HEPHL1: variants seen among roughly 807,000 people sequenced by gnomAD.
HEPHL1 encodes the protein ferroxidase HEPHL1.
Under a neutral mutation model 122.0 loss-of-function variants are expected in HEPHL1, and 123 were observed. The observed-to-expected ratio is 1.01, with a 90% CI of 0.87 to 1.17. HEPHL1 has a LOEUF of 1.17. HEPHL1 is among the 50% of genes most tolerant of loss of function. HEPHL1 has a pLI of 0.00. For missense variants in HEPHL1, 1,452 were observed against 1,430.5 expected, an observed-to-expected ratio of 1.01 and a Z score of -0.24; for synonymous variants, 527 against 508.9, an observed-to-expected ratio of 1.04 and a Z score of -0.48.
intron 1 of HEPHL1, among the ~76,000 whole-genome samples, chr11:94,035,971 C>T (rs1221172589): frequency 6.6e-6 from 1 of 152,134 alleles, no homozygotes; most frequent in Non-Finnish European, 1.5e-5. Context: ...CTCCTGACCT[C>T]GTGATCCGCC....
In HEPHL1 at chr11:94,095,471, A is replaced by G. The variant is rs563806160; in HGVS notation, c.2434+1831A>G. On this transcript the variant is annotated intron_variant, in intron 13 of 19. Coordinates refer to ENST00000315765, the MANE Select transcript of HEPHL1 (RefSeq NM_001098672.2). The stretch of plus-strand genomic sequence containing the variant: ...TCTTTTGGCTTAGGATTGACTTGGC[A>G]ATGTGGGCTCTTTTTTGGTTCCATA... Among the ~76,000 whole-genome samples the G allele has an allele frequency of 1.4e-4, 21 of 152,262 alleles. No homozygotes were observed. The South Asian group carries it at 3.9e-3, about 29-fold the overall frequency.
chr11:94,085,879 T>C, intron 10 of HEPHL1, 98 bp from the exon 11 acceptor site: 1 of 859,242 alleles, frequency 1.2e-6, no homozygotes, highest in Non-Finnish European at 1.9e-6. Flanking sequence ...CTGTTTATTC[T>C]CTGAAAACAA....
intron 12 of HEPHL1, among the ~76,000 whole-genome samples, chr11:94,093,098 GTA>G (rs915363874): frequency 4.5e-5 from 4 of 88,650 alleles, no homozygotes; most frequent in Admixed American, 1.4e-4. Flanking sequence ...GGGTGGACGT[GTA>G]TGTGTGTGTG....
intron 6 of HEPHL1, among the ~76,000 whole-genome samples, chr11:94,072,229 A>G (rs1478302087): frequency 6.6e-6 from 1 of 152,100 alleles, no homozygotes; most frequent in Non-Finnish European, 1.5e-5. Flanking sequence ...AGAAAAGTGA[A>G]TGAGCCAGTA....
In HEPHL1 at chr11:94,110,984, G is replaced by A. The variant is rs1298514624; in HGVS notation, c.3127G>A (p.Gly1043Arg). The A allele has an allele frequency of 1.2e-6, 2 of 1,612,142 alleles. No individual in the cohort carries two copies. The highest frequency in any genetic ancestry group is 2.7e-5 in the African/African-American group (2 of 74,846). ...QTIELFADHP[G>R]TWLLHCHVSD... is the part of the protein sequence containing the mutation. ...CATTGAACTGTTTGCAGATCACCCA[G>A]GGACATGGCTGCTACACTGTCATGT... The change falls in exon 18 of 20, where the codon GGG becomes AGG. Residue 1043 changes from glycine (G) to arginine (R), a missense_variant. Coordinates refer to ENST00000315765, the MANE Select transcript of HEPHL1 (RefSeq NM_001098672.2).
rs753275151 is a variant in HEPHL1, at chr11:94,064,319, T to A, written c.629-12T>A. The A allele has an allele frequency of 1.3e-5, 20 of 1,597,624 alleles. No homozygotes were observed. Among genetic ancestry groups the A allele is most frequent in the Non-Finnish European group, 1.7e-5 (20 of 1,169,228 alleles). On this transcript the variant is annotated splice_polypyrimidine_tract_variant and intron_variant, in intron 3 of 19. Transcript: ENST00000315765. ...AGTTCTTTCTCTCTACTCTTTTGAA[T>A]GTGCCTGACAGGTATCCTGAATAGA... is the stretch of plus-strand genomic sequence containing the variant.
rs897931744 is a variant in HEPHL1 at position 94,112,917 on chromosome 11, G to C, written c.*1023G>C. The C allele has an allele frequency of 6.6e-5, 10 of 152,012 alleles. No individual in the cohort carries two copies. Among genetic ancestry groups the C allele is most frequent in the Non-Finnish European group, 1.3e-4 (9 of 68,008 alleles). The allele number at this position is 152,012 out of a possible 1,614,324, so 9.4% of individuals were successfully genotyped here. On this transcript the variant is annotated 3_prime_UTR_variant, in exon 20 of 20. Transcript: ENST00000315765. ...ACATCAGGAGGAATTTATCAATGTA[G>C]GTGACTAGATAGGAGAAGGGACCTC...
chr11:94,034,851 G>C (rs1444804755), intron 1 of HEPHL1, among the ~76,000 whole-genome samples: 1 of 152,170 alleles, frequency 6.6e-6, no homozygotes. Flanking sequence ...TAATGACTCA[G>C]TATTCAGAGG....
chr11:94,077,461 A>G (rs1413539810), intron 9 of HEPHL1, among the ~76,000 whole-genome samples: 1 of 152,170 alleles, frequency 6.6e-6, no homozygotes, highest in Non-Finnish European at 1.5e-5. Context: ...CAGGCATGCA[A>G]TGCATAATAA....
rs1170311937 is a variant in HEPHL1, at chr11:94,110,983, A to G, written c.3126A>G (p.Pro1042=). ...FQTIELFADH[P]GTWLLHCHVS... ...CCATTGAACTGTTTGCAGATCACCC[A>G]GGGACATGGCTGCTACACTGTCATG... The change falls in exon 18 of 20, where the codon CCA becomes CCG. Residue 1042 remains proline, a synonymous_variant. Transcript: ENST00000315765. 3.7e-6 allele frequency: 6 copies of G among 1,612,312 alleles called. No homozygotes were observed. The highest frequency in any genetic ancestry group is 5.1e-6 in the Non-Finnish European group (6 of 1,179,202).
At chr11:94,076,996 T>G (rs776183137) in intron 9 of HEPHL1, among the ~76,000 whole-genome samples, 4 of 152,200 alleles carry the variant, frequency 2.6e-5, no homozygotes, top group Non-Finnish European at 4.4e-5. Flanking sequence ...TATGAAAAAG[T>G]AGAAAAAATT....
intron 6 of HEPHL1, among the ~76,000 whole-genome samples, chr11:94,072,372 C>A (rs1474211574): frequency 2.0e-5 from 3 of 151,476 alleles, no homozygotes; most frequent in Non-Finnish European, 4.4e-5. Flanking sequence ...AGGAAGAGTG[C>A]CAAAAAATTT....
At chr11:94,082,064 G>A (rs1946174699) in intron 9 of HEPHL1, among the ~76,000 whole-genome samples, 1 of 152,208 alleles carries the variant, frequency 6.6e-6, no homozygotes, top group African/African-American at 2.4e-5. Context: ...TAGGAGGTGA[G>A]TACAGGGAAA....
At chr11:94,028,284 C>G (rs1311843743) in intron 1 of HEPHL1, among the ~76,000 whole-genome samples, 2 of 152,090 alleles carry the variant, frequency 1.3e-5, no homozygotes, top group African/African-American at 4.8e-5. Flanking sequence ...AGTTTTATGT[C>G]CCAGACATAG....
chr11:94,107,080 T>C (rs1473258581), intron 17 of HEPHL1, among the ~76,000 whole-genome samples: 1 of 152,210 alleles, frequency 6.6e-6, no homozygotes, highest in Non-Finnish European at 1.5e-5. Flanking sequence ...AAATAGTCTG[T>C]CATCCGAAGT....
chr11:94,089,079 C>T, intron 12 of HEPHL1, 111 bp downstream of exon 12: 2 of 978,450 alleles, frequency 2.0e-6, no homozygotes, highest in East Asian at 2.4e-5. Context: ...ACAGTTCCGG[C>T]CGACAGAGAC....
At chr11:94,074,588 G>T (rs1232636009) in intron 8 of HEPHL1, among the ~76,000 whole-genome samples, 2 of 152,106 alleles carry the variant, frequency 1.3e-5, no homozygotes, top group Non-Finnish European at 2.9e-5. Context: ...TGTCTAGTAG[G>T]AAAGAATCAA....
intron 1 of HEPHL1, among the ~76,000 whole-genome samples, chr11:94,032,578 C>T (rs1749256280): frequency 6.6e-6 from 1 of 152,168 alleles, no homozygotes; most frequent in Admixed American, 6.5e-5. Flanking sequence ...GAGGCATACC[C>T]AGCAAACTGA....
rs754834274 is a variant in HEPHL1 at position 94,052,738 on chromosome 11, GC to G, written c.415+6822del. The stretch of plus-strand genomic sequence containing the variant: ...CTGTATCCATTGAGATGGTCATGTG[GC>G]TTTTCTATATCTATTGAGATATATT... On this transcript the variant is annotated intron_variant, in intron 2 of 19. Transcript: ENST00000315765. Among the ~76,000 whole-genome samples the G allele has an allele frequency of 1.4e-4, 21 of 151,910 alleles. 1 individual carries two copies. The highest frequency in any genetic ancestry group is 2.9e-4 in the Non-Finnish European group (20 of 67,932).
Sources: gnomAD v4.1 joint callset for allele counts (sites outside exome capture counted in the v4.1 genomes callset) on GRCh38, gnomAD v4.1.1 for gene constraint, MANE v1.5 for transcripts, NCBI Gene and HGNC (gene_info 2026-07-23, HGNC 2026-07-21) for gene names.